The following TCF7L2 variants were observed in gnomAD, a reference collection of about 807,000 sequenced individuals.
The protein encoded by TCF7L2 is transcription factor 7-like 2.
Under a neutral mutation model 77.9 loss-of-function variants are expected in TCF7L2, and 23 were observed. That is an observed-to-expected ratio of 0.30 (90% CI 0.21 to 0.42). The LOEUF is 0.42. Ranked by LOEUF, TCF7L2 falls within the 10% of genes least tolerant of loss-of-function variation. TCF7L2 has a pLI of 1.00. For missense variants in TCF7L2, 654 were observed against 793.1 expected, an observed-to-expected ratio of 0.82 and a Z score of 2.11; for synonymous variants, 413 against 340.2, an observed-to-expected ratio of 1.21 and a Z score of -2.36.
intron 4 of TCF7L2, among the ~76,000 whole-genome samples, chr10:112,986,932 C>T (rs1269724929): frequency 6.6e-6 from 1 of 152,242 alleles, no homozygotes; most frequent in South Asian, 2.1e-4. Context: ...CTTTTTCTTG[C>T]AGATATTGGT....
rs558189597 is a variant in TCF7L2, at chr10:112,978,774, C to T, written c.450+14150C>T. 8.6e-5 allele frequency among the ~76,000 whole-genome samples: 13 copies of T among 151,746 alleles called. No individual in the cohort carries two copies. In the South Asian group the frequency reaches 1.9e-3, roughly 22 times the overall value. The stretch of plus-strand genomic sequence containing the variant: ...GATTATAGGTGTGAGCCACCGCGCC[C>T]GGCCAGATTTTGTGATTTTTATATA... On this transcript the variant is annotated intron_variant, in intron 4 of 13. Coordinates refer to ENST00000627217, the MANE Select transcript of TCF7L2 (RefSeq NM_001146274.2).
intron 4 of TCF7L2, among the ~76,000 whole-genome samples, chr10:113,005,988 C>A (rs4575195): frequency 0.38 from 57,788 of 151,842 alleles, 13,040 homozygotes; most frequent in African/African-American, 0.62. Flanking sequence ...AAAGAACATT[C>A]CAATAGGAAT....
At chr10:112,988,648 C>T (rs1214421591) in intron 4 of TCF7L2, among the ~76,000 whole-genome samples, 2 of 152,120 alleles carry the variant, frequency 1.3e-5, no homozygotes, top group South Asian at 4.1e-4. Context: ...CTCAATTTTT[C>T]CAGTTATGAA....
chr10:113,113,089 A>G (rs117266140), intron 5 of TCF7L2, among the ~76,000 whole-genome samples: 3,345 of 152,254 alleles, frequency 0.022, 50 homozygotes, highest in Non-Finnish European at 0.033. Context: ...AGCAGTAGTT[A>G]ATTAGGGACC....
chr10:112,973,270 G>T, intron 4 of TCF7L2, among the ~76,000 whole-genome samples: 1 of 152,120 alleles, frequency 6.6e-6, no homozygotes, highest in South Asian at 2.1e-4. Context: ...TCCTTCTCTG[G>T]GGATAGCTCT....
chr10:113,058,662 C>A (rs1044745089), intron 5 of TCF7L2, among the ~76,000 whole-genome samples: 2 of 151,822 alleles, frequency 1.3e-5, no homozygotes, highest in Non-Finnish European at 2.9e-5. Flanking sequence ...GTGTCTTGTT[C>A]CTTGTAAAAG....
chr10:113,026,913 A>T (rs2049285295), intron 4 of TCF7L2, among the ~76,000 whole-genome samples: 1 of 152,190 alleles, frequency 6.6e-6, no homozygotes, highest in Non-Finnish European at 1.5e-5. Flanking sequence ...TGTCTAGATG[A>T]CATACTAATG....
intron 3 of TCF7L2, among the ~76,000 whole-genome samples, chr10:112,952,395 C>G (rs7094871): frequency 0.57 from 86,810 of 151,950 alleles, 25,033 homozygotes; most frequent in African/African-American, 0.65. Flanking sequence ...TGGCGGGCTC[C>G]GCTGCCCGGC....
chr10:113,016,707 G>A (rs2047391851), intron 4 of TCF7L2, among the ~76,000 whole-genome samples: 1 of 151,992 alleles, frequency 6.6e-6, no homozygotes, highest in Non-Finnish European at 1.5e-5. Context: ...GGTGGAGAGG[G>A]AGGAAAGGAA....
At chr10:113,143,861 CT>C in intron 6 of TCF7L2, 61 bp from the exon 7 acceptor site, 1 of 1,289,046 alleles carries the variant, frequency 7.8e-7, no homozygotes, top group Non-Finnish European at 1.1e-6. Flanking sequence ...TTCCCATCCC[CT>C]AATGGATTGC....
Position 112,950,682 on chromosome 10 carries a change from T to C in TCF7L2, c.-75T>C. 2 of 1,506,370 alleles carry C rather than the reference T, an allele frequency of 1.3e-6. No homozygotes were observed. The highest frequency in any genetic ancestry group is 1.8e-6 in the Non-Finnish European group (2 of 1,128,628). The allele number at this position is 1,506,370 out of a possible 1,614,324, so 93.3% of individuals were successfully genotyped here. The stretch of plus-strand genomic sequence containing the variant: ...ATATTTTTTGGGGGGGCAAAACTTT[T>C]TGGGGGTGATTTTTTTTGGCTTTTC... On this transcript the variant is annotated 5_prime_UTR_variant, in exon 1 of 14. Coordinates refer to ENST00000627217, the MANE Select transcript of TCF7L2 (RefSeq NM_001146274.2).
chr10:112,960,235 A>G (rs7098884), intron 3 of TCF7L2, among the ~76,000 whole-genome samples: 52,855 of 152,018 alleles, frequency 0.35, 10,113 homozygotes, highest in African/African-American at 0.52. Context: ...GATGTTTTGC[A>G]TATCAGAAAC....
At position 113,098,299 on chromosome 10, in the gene TCF7L2, C is replaced by T. The variant is rs117312561; in HGVS notation, c.553-42885C>T. Among the ~76,000 whole-genome samples the T allele has an allele frequency of 2.0e-4, 30 of 152,254 alleles. No individual in the cohort carries two copies. The East Asian group carries it at 5.8e-3, about 29-fold the overall frequency. Reference sequence around the variant, plus strand: ...TTGGGGCTTTCCGCACTGGGATCTTCCTTGGTCAGGTCACTTGCAGCTGTT... The same window carrying T: ...TTGGGGCTTTCCGCACTGGGATCTTTCTTGGTCAGGTCACTTGCAGCTGTT... On this transcript the variant is annotated intron_variant, in intron 5 of 13. Coordinates refer to ENST00000627217, the MANE Select transcript of TCF7L2 (RefSeq NM_001146274.2).
chr10:112,962,755 C>T (rs751799900), intron 3 of TCF7L2, among the ~76,000 whole-genome samples: 4 of 152,158 alleles, frequency 2.6e-5, no homozygotes, highest in Admixed American at 1.3e-4. Flanking sequence ...CCCGCCACCA[C>T]GCCTGGCTAA....
intron 5 of TCF7L2, among the ~76,000 whole-genome samples, chr10:113,068,588 C>T (rs2057549485): frequency 1.3e-5 from 2 of 152,142 alleles, no homozygotes; most frequent in South Asian, 2.1e-4. Context: ...ACACTAAACA[C>T]GGGCAGCTGG....
chr10:112,987,333 T>C (rs1304907723), intron 4 of TCF7L2: 1 of 152,080 alleles, frequency 6.6e-6, no homozygotes, highest in East Asian at 1.9e-4. Context: ...CCTCCAAGGA[T>C]TGTTGTGATA....
At chr10:113,084,910 C>G (rs190497613) in intron 5 of TCF7L2, among the ~76,000 whole-genome samples, 4 of 136,898 alleles carry the variant, frequency 2.9e-5, no homozygotes, top group Admixed American at 7.3e-5. Flanking sequence ...CACCCCCCCC[C>G]AAAAAAAAAA....
chr10:113,071,747 T>C (rs1039972821), intron 5 of TCF7L2, among the ~76,000 whole-genome samples: 1 of 152,078 alleles, frequency 6.6e-6, no homozygotes, highest in Non-Finnish European at 1.5e-5. Flanking sequence ...CCTAGCACAA[T>C]AGAGACCCTG....
intron 11 of TCF7L2, among the ~76,000 whole-genome samples, chr10:113,155,545 C>A (rs1054253382): frequency 2.0e-5 from 3 of 152,192 alleles, no homozygotes; most frequent in Non-Finnish European, 4.4e-5. Context: ...CTTCAGTAGT[C>A]AACATCTCCG....
Sources: allele counts gnomAD v4.1 joint callset (sites outside exome capture counted in the v4.1 genomes callset), GRCh38; gene constraint gnomAD v4.1.1; transcripts MANE v1.5; gene names NCBI Gene and HGNC (gene_info 2026-07-23, HGNC 2026-07-21).